The following ADGRB3 variants were observed in gnomAD, a reference collection of about 807,000 sequenced individuals.
ADGRB3 encodes brain-specific angiogenesis inhibitor 3.
Under a neutral mutation model 193.4 loss-of-function variants are expected in ADGRB3, and 37 were observed. The observed-to-expected ratio is 0.19, with a 90% CI of 0.15 to 0.25. The LOEUF (loss-of-function observed/expected upper bound fraction) is 0.25, where lower values mean the gene tolerates loss of function less well. Among genes scored for constraint, ADGRB3 ranks in the 10% least tolerant of loss-of-function variants. The pLI is 1.00. For missense variants in ADGRB3, 1,637 were observed against 1,852.9 expected, an observed-to-expected ratio of 0.88 and a Z score of 2.14; for synonymous variants, 690 against 644.2, an observed-to-expected ratio of 1.07 and a Z score of -1.08.
intron 3 of ADGRB3, among the ~76,000 whole-genome samples, chr6:68,914,467 A>G (rs999720927): frequency 1.3e-5 from 2 of 152,098 alleles, no homozygotes; most frequent in Non-Finnish European, 2.9e-5. Flanking sequence ...AAGGAGAAAT[A>G]AAATACTTTA....
intron 17 of ADGRB3, among the ~76,000 whole-genome samples, chr6:69,095,592 C>T (rs1034039258): frequency 7.2e-5 from 11 of 152,086 alleles, no homozygotes; most frequent in African/African-American, 2.2e-4. Context: ...AAGATTTTTC[C>T]GTTTATCACG....
intron 17 of ADGRB3, among the ~76,000 whole-genome samples, chr6:69,114,048 G>A (rs61661458): frequency 0.012 from 1,772 of 152,274 alleles, 33 homozygotes; most frequent in African/African-American, 0.04. Flanking sequence ...GATTCTGGGA[G>A]GGCAAAATCG....
chr6:69,120,413 T>C (rs1333217923), intron 17 of ADGRB3, among the ~76,000 whole-genome samples: 2 of 152,314 alleles, frequency 1.3e-5, no homozygotes, highest in Middle Eastern at 3.4e-3. Flanking sequence ...TGAGAAACAC[T>C]GTATATCATC....
At chr6:69,129,845 C>T (rs1582483640) in intron 17 of ADGRB3, among the ~76,000 whole-genome samples, 2 of 152,184 alleles carry the variant, frequency 1.3e-5, no homozygotes, top group East Asian at 3.9e-4. Context: ...CTTTTTAGTG[C>T]AGAAATGTAG....
At chr6:69,238,247 C>G (rs993621162) in intron 19 of ADGRB3, among the ~76,000 whole-genome samples, 2 of 151,978 alleles carry the variant, frequency 1.3e-5, no homozygotes, top group African/African-American at 4.8e-5. Flanking sequence ...TTGAATGGGC[C>G]TAAACACACA....
At chr6:69,320,192 C>T (rs1487059343) in intron 20 of ADGRB3, among the ~76,000 whole-genome samples, 7 of 151,448 alleles carry the variant, frequency 4.6e-5, no homozygotes, top group African/African-American at 1.7e-4. Flanking sequence ...TTTTATGTTC[C>T]TCTACTCCCT....
At chr6:68,753,376 G>A (rs1311502366) in intron 3 of ADGRB3, among the ~76,000 whole-genome samples, 2 of 152,136 alleles carry the variant, frequency 1.3e-5, no homozygotes, top group South Asian at 2.1e-4. Flanking sequence ...AATAGCTAAC[G>A]CCACAAGAAT....
chr6:68,785,013 G>A (rs541526991), intron 3 of ADGRB3, among the ~76,000 whole-genome samples: 2 of 151,990 alleles, frequency 1.3e-5, no homozygotes, highest in African/African-American at 4.8e-5. Flanking sequence ...TTTAATTATG[G>A]ATAATAACCA....
chr6:68,679,593 G>C (rs1300031976), intron 3 of ADGRB3, among the ~76,000 whole-genome samples: 1 of 152,042 alleles, frequency 6.6e-6, no homozygotes, highest in Non-Finnish European at 1.5e-5. Flanking sequence ...GGTGGGCAAC[G>C]TGCCATCCAC....
At chr6:68,858,407 G>A (rs533024918) in intron 3 of ADGRB3, among the ~76,000 whole-genome samples, 2 of 151,732 alleles carry the variant, frequency 1.3e-5, no homozygotes, top group African/African-American at 4.8e-5. Context: ...GAGAGGCTAA[G>A]GCAGGAGAAT....
At chr6:68,989,425 A>T (rs977317101) in intron 10 of ADGRB3, among the ~76,000 whole-genome samples, 1 of 152,166 alleles carries the variant, frequency 6.6e-6, no homozygotes, top group Non-Finnish European at 1.5e-5. Context: ...AACCTTCTGG[A>T]AGTTAAGTAC....
intron 13 of ADGRB3, among the ~76,000 whole-genome samples, chr6:69,038,329 G>GACACAC (rs35438298): frequency 1.4e-4 from 21 of 149,476 alleles, no homozygotes; most frequent in South Asian, 4.2e-4. Context: ...TGAATACACA[G>GACACAC]ACACACACAC....
At chr6:68,932,606 C>T (rs1767371513) in intron 4 of ADGRB3, among the ~76,000 whole-genome samples, 3 of 151,876 alleles carry the variant, frequency 2.0e-5, no homozygotes, top group South Asian at 4.1e-4. Flanking sequence ...CTAGATTATA[C>T]TTTTTTAAGG....
intron 7 of ADGRB3, 55 bp from the exon 8 acceptor site, chr6:68,956,590 T>G: frequency 6.3e-7 from 1 of 1,598,352 alleles, no homozygotes; most frequent in Non-Finnish European, 8.6e-7. Context: ...ATTTTAAAAT[T>G]TTTAAAGGAG....
intron 3 of ADGRB3, among the ~76,000 whole-genome samples, chr6:68,692,992 C>A (rs1390249007): frequency 1.3e-5 from 2 of 150,846 alleles, no homozygotes; most frequent in East Asian, 1.9e-4. Context: ...ATAAATATTA[C>A]CACTTATTTC....
chr6:68,801,662 C>G (rs555111304), intron 3 of ADGRB3, among the ~76,000 whole-genome samples: 5 of 152,110 alleles, frequency 3.3e-5, no homozygotes, highest in African/African-American at 1.2e-4. Context: ...GCACTCCAGC[C>G]TGGGCAACAA....
intron 17 of ADGRB3, among the ~76,000 whole-genome samples, chr6:69,103,860 G>T (rs577444258): frequency 6.6e-6 from 1 of 151,606 alleles, no homozygotes; most frequent in Non-Finnish European, 1.5e-5. Context: ...GGCAGTGACA[G>T]TAGGAAAACT....
At chr6:68,738,146 A>G (rs1765907479) in intron 3 of ADGRB3, among the ~76,000 whole-genome samples, 1 of 152,200 alleles carries the variant, frequency 6.6e-6, no homozygotes, top group South Asian at 2.1e-4. Context: ...GAAATGGCAA[A>G]TGCAAATACA....
chr6:68,677,803 C>T lies in ADGRB3; in HGVS notation c.757+38371C>T, dbSNP rs372259129. Among the ~76,000 whole-genome samples, 6 of 152,094 alleles carry T rather than the reference C, an allele frequency of 3.9e-5. No homozygotes were observed. In the East Asian group the frequency reaches 9.7e-4, roughly 25 times the overall value. ...GTAATTTTTCATAGAGAGGGAGTTT[C>T]GCCATTTTGGCCAGGCTGGTCTTGA... On this transcript the variant is annotated intron_variant, in intron 3 of 31. Coordinates refer to ENST00000370598, the MANE Select transcript of ADGRB3 (RefSeq NM_001704.3).
Sources: gnomAD v4.1 joint callset for allele counts (sites outside exome capture counted in the v4.1 genomes callset) on GRCh38, gnomAD v4.1.1 for gene constraint, MANE v1.5 for transcripts, NCBI Gene and HGNC (gene_info 2026-07-23, HGNC 2026-07-21) for gene names.